The following KAZN variants were observed in gnomAD, a reference collection of about 807,000 sequenced individuals.
KAZN encodes kazrin.
In KAZN, 40 loss-of-function variants were observed where a neutral mutation model predicts 87.4. The ratio of observed to expected loss-of-function variants is 0.46; its 90% CI spans 0.36 to 0.60. KAZN has a LOEUF of 0.60. Among genes scored for constraint, KAZN ranks in the 20% least tolerant of loss-of-function variants. KAZN has a pLI of 0.00. For missense variants in KAZN, 898 were observed against 1,073.9 expected, an observed-to-expected ratio of 0.84 and a Z score of 2.29; for synonymous variants, 466 against 458.3, an observed-to-expected ratio of 1.02 and a Z score of -0.22.
intron 2 of KAZN, among the ~76,000 whole-genome samples, chr1:14,419,382 T>A (rs1035510730): frequency 2.6e-5 from 4 of 152,156 alleles, no homozygotes; most frequent in African/African-American, 9.7e-5. Context: ...TCTCATTGCC[T>A]GGGAAGCCAC....
At chr1:14,854,231 T>G (rs1379364508) in intron 1 of KAZN, among the ~76,000 whole-genome samples, 1 of 152,156 alleles carries the variant, frequency 6.6e-6, no homozygotes, top group Admixed American at 6.5e-5. Context: ...TTGTTGAGCT[T>G]GCATGTTGAC....
intron 1 of KAZN, among the ~76,000 whole-genome samples, chr1:14,102,463 A>G (rs983192301): frequency 6.6e-6 from 1 of 151,504 alleles, no homozygotes; most frequent in African/African-American, 2.4e-5. Flanking sequence ...GAACCTGGGG[A>G]AAAATGGGTG....
chr1:14,125,208 A>G (rs1020669830), intron 1 of KAZN, among the ~76,000 whole-genome samples: 5 of 152,042 alleles, frequency 3.3e-5, no homozygotes, highest in African/African-American at 1.2e-4. Flanking sequence ...TCTGGCCTCT[A>G]CCCACTGGAT....
At chr1:14,506,787 G>A (rs897107638) in intron 2 of KAZN, among the ~76,000 whole-genome samples, 89 of 152,332 alleles carry the variant, frequency 5.8e-4, no homozygotes, top group African/African-American at 2.1e-3. Context: ...AAAACTGTGT[G>A]TATGTATATA....
At chr1:14,420,297 G>C (rs1040220516) in intron 2 of KAZN, among the ~76,000 whole-genome samples, 13 of 152,158 alleles carry the variant, frequency 8.5e-5, no homozygotes, top group Non-Finnish European at 8.8e-5. Context: ...TAGATACAGA[G>C]TGCTGATTAG....
chr1:13,910,505 T>TAA (rs1225004295), intron 1 of KAZN, among the ~76,000 whole-genome samples: 1 of 142,886 alleles, frequency 7.0e-6, no homozygotes. Flanking sequence ...AGACTCTGTC[T>TAA]AAAAAAAAAA....
At chr1:14,109,043 A>G (rs1644441795) in intron 1 of KAZN, among the ~76,000 whole-genome samples, 2 of 152,214 alleles carry the variant, frequency 1.3e-5, no homozygotes, top group Admixed American at 6.5e-5. Flanking sequence ...CGCATCTGTG[A>G]ATCAGTCATA....
chr1:14,889,776 A>G (rs1654499170), intron 1 of KAZN, among the ~76,000 whole-genome samples: 1 of 152,258 alleles, frequency 6.6e-6, no homozygotes, highest in Non-Finnish European at 1.5e-5. Flanking sequence ...ACAAAATTCA[A>G]ACTGCAGTGT....
chr1:14,255,103 G>C (rs1207617006), intron 2 of KAZN, among the ~76,000 whole-genome samples: 2 of 117,842 alleles, frequency 1.7e-5, no homozygotes, highest in Non-Finnish European at 3.3e-5. Flanking sequence ...CTGGGCAACA[G>C]ACCAAGACTC....
intron 2 of KAZN, among the ~76,000 whole-genome samples, chr1:14,276,735 T>C (rs897896704): frequency 3.3e-5 from 5 of 152,318 alleles, no homozygotes; most frequent in Non-Finnish European, 4.4e-5. Flanking sequence ...ATTTGATCAC[T>C]TGCAAAGACC....
chr1:14,152,900 A>G (rs1205469001), intron 1 of KAZN, among the ~76,000 whole-genome samples: 2 of 152,158 alleles, frequency 1.3e-5, no homozygotes, highest in South Asian at 2.1e-4. Flanking sequence ...GAGTGAGATG[A>G]TATCTCATTG....
At chr1:14,850,862 C>T (rs902797900) in intron 1 of KAZN, among the ~76,000 whole-genome samples, 2 of 152,216 alleles carry the variant, frequency 1.3e-5, no homozygotes, top group African/African-American at 2.4e-5. Context: ...AAGCCCCAGA[C>T]TCTGGAAGTT....
chr1:13,941,058 G>A (rs113233170), intron 1 of KAZN, among the ~76,000 whole-genome samples: 1 of 152,030 alleles, frequency 6.6e-6, no homozygotes, highest in East Asian at 1.9e-4. Flanking sequence ...GCCAGGCATG[G>A]TAGCACATGC....
At chr1:14,149,386 C>T (rs949132747) in intron 1 of KAZN, among the ~76,000 whole-genome samples, 3 of 151,968 alleles carry the variant, frequency 2.0e-5, no homozygotes, top group Non-Finnish European at 4.4e-5. Context: ...GGATTACAGG[C>T]GTGAGCCACC....
At chr1:14,201,034 T>C (rs1056901499) in intron 2 of KAZN, among the ~76,000 whole-genome samples, 10 of 152,168 alleles carry the variant, frequency 6.6e-5, no homozygotes, top group Non-Finnish European at 1.2e-4. Flanking sequence ...TCCTGGTGCA[T>C]GGCCTCTCCC....
intron 2 of KAZN, among the ~76,000 whole-genome samples, chr1:14,240,455 T>A (rs917201735): frequency 1.3e-5 from 2 of 152,108 alleles, no homozygotes; most frequent in Admixed American, 6.5e-5. Context: ...CACCAGGAGG[T>A]CACACCAGGG....
chr1:14,009,586 G>A (rs950530427), intron 1 of KAZN, among the ~76,000 whole-genome samples: 2 of 152,174 alleles, frequency 1.3e-5, no homozygotes, highest in Admixed American at 6.5e-5. Flanking sequence ...TTTTATAGAT[G>A]AAGAATTTTA....
chr1:14,374,577 C>A (rs1013367286), intron 2 of KAZN, among the ~76,000 whole-genome samples: 2 of 152,094 alleles, frequency 1.3e-5, no homozygotes, highest in African/African-American at 4.8e-5. Flanking sequence ...TTGGAACTTT[C>A]TTTGAGCTAA....
At position 14,362,413 on chromosome 1, in the gene KAZN, A is replaced by G. The variant is rs186076602; in HGVS notation, c.249+181821A>G. Among the ~76,000 whole-genome samples the G allele has an allele frequency of 1.6e-4, 25 of 152,326 alleles. No homozygotes were observed. The East Asian group carries it at 4.8e-3, about 29-fold the overall frequency. ...TAAGAGAGAGACTCTTAGCCTGACA[A>G]ACATTGCAATCTTATGTGACACAAT... On this transcript the variant is annotated intron_variant, in intron 2 of 16. Coordinates refer to the KAZN transcript ENST00000636203.
Sources: gnomAD v4.1 joint callset for allele counts (sites outside exome capture counted in the v4.1 genomes callset) on GRCh38, gnomAD v4.1.1 for gene constraint, MANE v1.5 for transcripts, NCBI Gene and HGNC (gene_info 2026-07-23, HGNC 2026-07-21) for gene names.